ANO10: variants seen among roughly 807,000 people sequenced by gnomAD.
The protein encoded by ANO10 is anoctamin-10.
A neutral mutation model predicts 74.7 loss-of-function variants in ANO10; 77 were observed. The observed-to-expected ratio is 1.03, with a 90% CI of 0.86 to 1.25. The LOEUF (loss-of-function observed/expected upper bound fraction) is 1.25. Among genes scored for constraint, ANO10 ranks in the 50% most tolerant of loss-of-function variants. The pLI, the probability that ANO10 is intolerant of heterozygous loss-of-function variation, is 0.00. For missense variants in ANO10, 721 were observed against 778.1 expected (o/e 0.93, Z 0.87); for synonymous variants, 279 against 284.9 (o/e 0.98, Z 0.21).
At chr3:43,459,091 A>G (rs2075270007) in intron 11 of ANO10, among the ~76,000 whole-genome samples, 2 of 152,172 alleles carry the variant, frequency 1.3e-5, no homozygotes, top group Non-Finnish European at 2.9e-5. Flanking sequence ...GTTTAATGCC[A>G]TTAGGTGGGC....
chr3:43,619,868 CAAAAAAA>C (rs746826623), intron 1 of ANO10, among the ~76,000 whole-genome samples: 10 of 79,952 alleles, frequency 1.3e-4, no homozygotes, highest in African/African-American at 4.6e-4. Context: ...AGACCTTGTC[CAAAAAAA>C]AAAAAAAAAA....
At chr3:43,651,300 C>A (rs543925522) in intron 1 of ANO10, among the ~76,000 whole-genome samples, 1 of 152,116 alleles carries the variant, frequency 6.6e-6, no homozygotes, top group African/African-American at 2.4e-5. Flanking sequence ...AAAACCTACA[C>A]AAAATGATTA....
chr3:43,507,409 C>T (rs777287924), intron 11 of ANO10, among the ~76,000 whole-genome samples: 31 of 152,084 alleles, frequency 2.0e-4, no homozygotes, highest in Non-Finnish European at 4.0e-4. Context: ...CAATCCTCAC[C>T]CAGGGCTGCT....
upstream of ANO10, among the ~76,000 whole-genome samples, chr3:43,624,626 A>T (rs374876862): frequency 3.3e-5 from 5 of 152,304 alleles, no homozygotes; most frequent in East Asian, 7.7e-4. Context: ...TGCCAGCATC[A>T]TGCTTCCTGT....
intron 10 of ANO10, among the ~76,000 whole-genome samples, chr3:43,550,127 TGTTAAA>T (rs957803636): frequency 6.5e-4 from 99 of 152,304 alleles, no homozygotes; most frequent in African/African-American, 2.3e-3. Context: ...TTGGGAATAC[TGTTAAA>T]GTTACTCTAC....
At chr3:43,596,188 C>T (rs9832135) in intron 4 of ANO10, among the ~76,000 whole-genome samples, 11,931 of 152,054 alleles carry the variant, frequency 0.078, 742 homozygotes, top group African/African-American at 0.16. Context: ...CCATACTGCC[C>T]GAGGTAATTT....
At chr3:43,683,434 A>G (rs994287129) in intron 1 of ANO10, among the ~76,000 whole-genome samples, 19 of 152,234 alleles carry the variant, frequency 1.2e-4, no homozygotes. Flanking sequence ...AAAAGAGGAT[A>G]CAAACAAATG....
rs149638883 is a variant in ANO10, at chr3:43,494,517, C to T, written c.1797+55203G>A. Among the ~76,000 whole-genome samples the T allele has an allele frequency of 7.5e-4, 114 of 152,126 alleles. 1 individual carries two copies. Among genetic ancestry groups the T allele is most frequent in the African/African-American group, 2.6e-3 (110 of 41,510 alleles). ...ATGAGTATTAGCAGAAAAAAGAAAACATTATCCTCATTTGCAGCTATGAGT... is the reference window on the plus strand; with the variant it reads ...ATGAGTATTAGCAGAAAAAAGAAAATATTATCCTCATTTGCAGCTATGAGT... On this transcript the variant is annotated intron_variant, in intron 11 of 12. Transcript: ENST00000292246.
intron 1 of ANO10, among the ~76,000 whole-genome samples, chr3:43,652,474 A>G (rs975737848): frequency 1.1e-4 from 17 of 152,234 alleles, no homozygotes; most frequent in Non-Finnish European, 2.4e-4. Flanking sequence ...ATAAAGTTGG[A>G]CCACTGCTTA....
intron 11 of ANO10, among the ~76,000 whole-genome samples, chr3:43,481,735 T>A (rs1337541601): frequency 6.6e-6 from 1 of 152,170 alleles, no homozygotes; most frequent in African/African-American, 2.4e-5. Context: ...CTGATTTTCA[T>A]GTTTTTAGAT....
Position 43,366,931 on chromosome 3 carries a change from T to C in ANO10, c.1958A>G (p.Glu653Gly). Residue 653 changes from glutamate (E) to glycine (G), a missense_variant, in exon 13 of 13, where the codon GAA (glutamate) becomes GGA (glycine). Coordinates refer to ENST00000292246, the MANE Select transcript of ANO10 (RefSeq NM_018075.5). Reference sequence around the variant, plus strand: ...TCAGGTTGCCTTCTCCTTCCCGCTTTCCATTGGTTCCTCCTTCAGGTTCTC... The same window carrying C: ...TCAGGTTGCCTTCTCCTTCCCGCTTCCCATTGGTTCCTCCTTCAGGTTCTC... ...VTENLKEEPM[E>G]SGKEKAT The C allele has an allele frequency of 6.3e-7, 1 of 1,599,522 alleles. No homozygotes were observed. The highest frequency in any genetic ancestry group is 8.5e-7 in the Non-Finnish European group (1 of 1,172,958).
intron 10 of ANO10, among the ~76,000 whole-genome samples, chr3:43,554,867 G>C (rs2079660777): frequency 6.6e-6 from 1 of 152,110 alleles, no homozygotes; most frequent in Non-Finnish European, 1.5e-5. Context: ...CCCAGGACTA[G>C]AAAACTAGAC....
intron 7 of ANO10, among the ~76,000 whole-genome samples, chr3:43,567,518 G>A (rs2080433564): frequency 6.6e-6 from 1 of 151,954 alleles, no homozygotes; most frequent in South Asian, 2.1e-4. Flanking sequence ...AAGAGAGTGG[G>A]GGCCAATATT....
intron 1 of ANO10, among the ~76,000 whole-genome samples, chr3:43,615,759 T>C (rs926122827): frequency 9.9e-5 from 15 of 152,024 alleles, no homozygotes; most frequent in Middle Eastern, 3.2e-3. Flanking sequence ...GTTCAAGCGA[T>C]TCTCCTGCCT....
At chr3:43,418,902 C>T (rs185216351) in intron 12 of ANO10, among the ~76,000 whole-genome samples, 4 of 152,384 alleles carry the variant, frequency 2.6e-5, no homozygotes, top group South Asian at 2.1e-4. Flanking sequence ...AACATAGCCA[C>T]GCTCTTTCAT....
At chr3:43,462,941 G>A (rs984780077) in intron 11 of ANO10, among the ~76,000 whole-genome samples, 1 of 152,252 alleles carries the variant, frequency 6.6e-6, no homozygotes, top group African/African-American at 2.4e-5. Context: ...TGTTGAGGCT[G>A]TGAGCACACA....
chr3:43,460,760 T>C (rs1187015664), intron 11 of ANO10, among the ~76,000 whole-genome samples: 1 of 151,928 alleles, frequency 6.6e-6, no homozygotes, highest in East Asian at 1.9e-4. Context: ...ATGAAACAGA[T>C]AATTCTGAGA....
intron 1 of ANO10, among the ~76,000 whole-genome samples, chr3:43,614,868 A>G (rs1425065253): frequency 6.8e-6 from 1 of 147,402 alleles, no homozygotes; most frequent in Non-Finnish European, 1.5e-5. Flanking sequence ...TGCATGTAAA[A>G]GTTCATTACA....
intron 1 of ANO10, among the ~76,000 whole-genome samples, chr3:43,686,651 T>A (rs2084278957): frequency 6.6e-6 from 1 of 152,202 alleles, no homozygotes; most frequent in Admixed American, 6.5e-5. Context: ...TGGTAGCTAC[T>A]AGCCACGTAT....
Sources: gnomAD v4.1 joint callset for allele counts (sites outside exome capture counted in the v4.1 genomes callset) on GRCh38, gnomAD v4.1.1 for gene constraint, MANE v1.5 for transcripts, NCBI Gene and HGNC (gene_info 2026-07-23, HGNC 2026-07-21) for gene names.